KCNK2: variants seen among roughly 807,000 people sequenced by gnomAD.
KCNK2 encodes potassium channel subfamily K member 2.
A neutral mutation model predicts 40.5 loss-of-function variants in KCNK2; 21 were observed. The ratio of observed to expected loss-of-function variants is 0.52; its 90% confidence interval spans 0.37 to 0.75. The LOEUF (loss-of-function observed/expected upper bound fraction) is 0.75. KCNK2 is among the 30% of genes least tolerant of loss of function. The probability of loss-of-function intolerance (pLI) is 0.00; values close to 1 mark genes in which losing one functional copy is unlikely to be tolerated. For synonymous variants in KCNK2, 191 were observed against 202.2 expected (o/e 0.94, Z 0.47); for missense variants, 399 against 531.6 (o/e 0.75, Z 2.45).
In KCNK2 at chr1:215,220,363, C is replaced by T. The variant is rs373619923; in HGVS notation, c.964-14465C>T. Reference sequence around the variant, plus strand: ...CTTGAGTTGCCGCTACTGCCACCACCAGGAACCCTGCAGGGACACCCTCTC... The same window carrying T: ...CTTGAGTTGCCGCTACTGCCACCACTAGGAACCCTGCAGGGACACCCTCTC... On this transcript the variant is annotated intron_variant, in intron 6 of 6. Coordinates refer to ENST00000444842, the MANE Select transcript of KCNK2 (RefSeq NM_001017425.3). Among the ~76,000 whole-genome samples, 99 of 152,298 alleles carry T rather than the reference C, an allele frequency of 6.5e-4. 3 individuals are homozygous for T. In the South Asian group the frequency reaches 0.019, roughly 29 times the overall value.
intron 5 of KCNK2, among the ~76,000 whole-genome samples, chr1:215,178,318 ACTT>A (rs886331755): frequency 2.0e-5 from 3 of 152,052 alleles, no homozygotes; most frequent in South Asian, 2.1e-4. Flanking sequence ...AGATAGTTTA[ACTT>A]CTTCTTTTCC....
At chr1:215,122,439 C>T (rs1661229350) in intron 2 of KCNK2, among the ~76,000 whole-genome samples, 1 of 152,034 alleles carries the variant, frequency 6.6e-6, no homozygotes, top group East Asian at 1.9e-4. Flanking sequence ...ATAGTTACAA[C>T]ACAGAGTTAG....
chr1:215,139,210 C>T (rs1662058235), intron 3 of KCNK2, among the ~76,000 whole-genome samples: 1 of 152,022 alleles, frequency 6.6e-6, no homozygotes, highest in African/African-American at 2.4e-5. Flanking sequence ...ATATGATTAC[C>T]ATTTCTTATC....
chr1:215,125,119 G>C (rs1295917762), intron 3 of KCNK2, among the ~76,000 whole-genome samples: 1 of 152,010 alleles, frequency 6.6e-6, no homozygotes, highest in Non-Finnish European at 1.5e-5. Context: ...TTTCATGGAA[G>C]TTCTTACGTG....
intron 4 of KCNK2, among the ~76,000 whole-genome samples, chr1:215,169,882 A>G (rs984622761): frequency 6.6e-6 from 1 of 151,958 alleles, no homozygotes; most frequent in African/African-American, 2.4e-5. Flanking sequence ...CCGACCTCCA[A>G]TGATCTGCCC....
intron 5 of KCNK2, among the ~76,000 whole-genome samples, chr1:215,182,430 T>G (rs1426357723): frequency 6.6e-6 from 1 of 152,050 alleles, no homozygotes; most frequent in Admixed American, 6.6e-5. Flanking sequence ...GAGTTCTCCC[T>G]GGGGTTTCAG....
chr1:215,111,097 G>C (rs563019575), intron 2 of KCNK2, among the ~76,000 whole-genome samples: 1 of 152,082 alleles, frequency 6.6e-6, no homozygotes, highest in South Asian at 2.1e-4. Flanking sequence ...CATGTAGCTT[G>C]GTAAGATTGG....
intron 3 of KCNK2, among the ~76,000 whole-genome samples, chr1:215,138,572 G>A (rs1662032769): frequency 6.6e-6 from 1 of 152,128 alleles, no homozygotes; most frequent in Admixed American, 6.6e-5. Flanking sequence ...GGGCAACATT[G>A]CAAGATCCTT....
chr1:215,112,259 G>A (rs1383532195), intron 2 of KCNK2, among the ~76,000 whole-genome samples: 3 of 151,318 alleles, frequency 2.0e-5, no homozygotes, highest in South Asian at 2.1e-4. Flanking sequence ...GGTGGAAGAC[G>A]GTAGTATTGA....
chr1:215,036,517 A>C (rs562085345), intron 1 of KCNK2, among the ~76,000 whole-genome samples: 1 of 151,564 alleles, frequency 6.6e-6, no homozygotes, highest in East Asian at 1.9e-4. Context: ...GCTATTCTAT[A>C]TATTTTGAAT....
chr1:215,175,482 AT>A (rs1202529822), intron 5 of KCNK2, among the ~76,000 whole-genome samples: 1 of 150,218 alleles, frequency 6.7e-6, no homozygotes, highest in African/African-American at 2.4e-5. Flanking sequence ...ACATATTTTG[AT>A]TTTTTTCTTA....
intron 5 of KCNK2, among the ~76,000 whole-genome samples, chr1:215,191,283 CA>C (rs34924845): frequency 0.77 from 107,337 of 139,156 alleles, 43,799 homozygotes; most frequent in East Asian, 0.91. Flanking sequence ...GGCTGCATCT[CA>C]AAAAAAAAAA....
At chr1:215,168,328 A>G (rs1230848335) in intron 3 of KCNK2, among the ~76,000 whole-genome samples, 3 of 152,206 alleles carry the variant, frequency 2.0e-5, no homozygotes, top group African/African-American at 7.2e-5. Context: ...CAGAAATACC[A>G]TTAGAACAGC....
intron 1 of KCNK2, chr1:215,083,642 C>T: frequency 1.7e-6 from 1 of 604,980 alleles, no homozygotes; most frequent in Non-Finnish European, 2.9e-6. Flanking sequence ...CGCCGGTGCC[C>T]GGGGTTTTTG....
intron 5 of KCNK2, among the ~76,000 whole-genome samples, chr1:215,181,661 TTC>T (rs1195258012): frequency 3.3e-5 from 5 of 152,200 alleles, no homozygotes; most frequent in Non-Finnish European, 2.9e-5. Flanking sequence ...CCCTATGTAC[TTC>T]TCTCAGCAGG....
At chr1:215,042,317 C>T (rs113370801) in intron 1 of KCNK2, among the ~76,000 whole-genome samples, 275 of 152,220 alleles carry the variant, frequency 1.8e-3, no homozygotes, top group Non-Finnish European at 3.1e-3. Flanking sequence ...CAAATCATTC[C>T]GTTGCATTTT....
chr1:215,026,386 A>T (rs4655387), intron 1 of KCNK2, among the ~76,000 whole-genome samples: 38,335 of 151,890 alleles, frequency 0.25, 5,769 homozygotes, highest in South Asian at 0.54. Flanking sequence ...TCCTAGTAAA[A>T]CAGTAATATC....
chr1:215,052,041 C>T (rs1340541949), intron 1 of KCNK2, among the ~76,000 whole-genome samples: 1 of 152,088 alleles, frequency 6.6e-6, no homozygotes, highest in Non-Finnish European at 1.5e-5. Context: ...CTGCTCTAGC[C>T]CATGGGTGAT....
Position 215,235,104 on chromosome 1 carries a change from T to C in KCNK2, c.1240T>C (p.Cys414Arg). The C allele has an allele frequency of 6.2e-7, 1 of 1,606,196 alleles. No individual in the cohort carries two copies. The highest frequency in any genetic ancestry group is 8.5e-7 in the Non-Finnish European group (1 of 1,173,318). The change falls in exon 7 of 7, where the codon TGT becomes CGT. Residue 414 changes from cysteine to arginine, a missense_variant. Physicochemically the swap from Cys to Arg is radical, Grantham distance 180. Around this residue, in one of 3 missense-constraint regions of KCNK2, gnomAD observed 103 missense variants for 124.3 expected, o/e 0.83. Transcript: ENST00000444842. ...CTATCTGAATGGTTTGACGCCACACTGTGCTGGTGAAGAGATTGCTGTGAT... is the reference window on the plus strand; with the variant it reads ...CTATCTGAATGGTTTGACGCCACACCGTGCTGGTGAAGAGATTGCTGTGAT... The part of the protein sequence containing the change: ...SIYLNGLTPH[C>R]AGEEIAVIEN...
Sources: allele counts gnomAD v4.1 joint callset (sites outside exome capture counted in the v4.1 genomes callset), GRCh38; gene constraint gnomAD v4.1.1; regional missense constraint gnomAD v4.1.1; transcripts MANE v1.5; gene names NCBI Gene and HGNC (gene_info 2026-07-23, HGNC 2026-07-21).